The following ANK2 variants were observed in gnomAD, a reference collection of about 807,000 sequenced individuals.
ANK2 encodes ankyrin 2.
Under a neutral mutation model 360.5 loss-of-function variants are expected in ANK2, and 83 were observed. The observed-to-expected ratio is 0.23, with a 90% confidence interval of 0.19 to 0.28. ANK2 has a LOEUF of 0.28. ANK2 is among the 10% of genes least tolerant of loss of function. The pLI is 1.00. For synonymous variants in ANK2, 1,740 were observed against 1,759.5 expected (o/e 0.99, Z 0.28); for missense variants, 4,201 against 4,795.7 (o/e 0.88, Z 3.66).
the ANK2 span, among the ~76,000 whole-genome samples, chr4:112,740,816 C>T: frequency 2.0e-5 from 3 of 152,090 alleles, no homozygotes; most frequent in South Asian, 4.2e-4. Context: ...ACGGTGAAAC[C>T]CCATCTCTAC....
intron 1 of ANK2, among the ~76,000 whole-genome samples, chr4:112,834,888 C>T (rs1489825931): frequency 1.3e-5 from 2 of 152,138 alleles, no homozygotes; most frequent in Non-Finnish European, 2.9e-5. Context: ...GTAGAAGGCC[C>T]CACCTTCTGG....
chr4:113,058,428 C>T (rs2071270433), intron 1 of ANK2, among the ~76,000 whole-genome samples: 1 of 151,888 alleles, frequency 6.6e-6, no homozygotes. Flanking sequence ...ATAAGTATTT[C>T]TATGTGGCCA....
intron 1 of ANK2, among the ~76,000 whole-genome samples, chr4:112,875,475 G>C (rs1338295904): frequency 1.5e-5 from 2 of 131,974 alleles, no homozygotes; most frequent in African/African-American, 2.8e-5. Context: ...ACCATGACAG[G>C]CTAATTACAT....
intron 2 of ANK2, among the ~76,000 whole-genome samples, chr4:113,175,047 G>C (rs1051143456): frequency 6.6e-5 from 10 of 152,036 alleles, no homozygotes; most frequent in African/African-American, 2.4e-4. Context: ...ATACACTTTG[G>C]ATATTATTTG....
chr4:113,238,070 A>T (rs1185273961), intron 7 of ANK2, among the ~76,000 whole-genome samples: 2 of 151,882 alleles, frequency 1.3e-5, no homozygotes, highest in Non-Finnish European at 2.9e-5. Flanking sequence ...TCTTTACCAC[A>T]TTTATATAAT....
chr4:112,814,437 T>C (rs67892808), upstream of ANK2, among the ~76,000 whole-genome samples: 19 of 39,436 alleles, frequency 4.8e-4, no homozygotes, highest in African/African-American at 1.3e-3. Context: ...TTTTTTGTTT[T>C]TTTGTTTGTT....
At chr4:113,343,522 C>A (rs2094506332) in intron 34 of ANK2, among the ~76,000 whole-genome samples, 1 of 152,132 alleles carries the variant, frequency 6.6e-6, no homozygotes. Flanking sequence ...TAAGTGGCAA[C>A]TTTTTGTAAT....
chr4:113,300,134 C>G (rs2074190510), intron 22 of ANK2, among the ~76,000 whole-genome samples: 1 of 151,824 alleles, frequency 6.6e-6, no homozygotes, highest in Non-Finnish European at 1.5e-5. Context: ...ATTTATCAAC[C>G]ACTACTATTC....
the ANK2 span, among the ~76,000 whole-genome samples, chr4:112,721,541 CAAAAAAAAAAAAAA>C: frequency 6.4e-5 from 3 of 46,876 alleles, no homozygotes; most frequent in South Asian, 2.4e-3. Context: ...GACCCCATCT[CAAAAAAAAAAAAAA>C]AAAAAAAAAA....
the ANK2 span, among the ~76,000 whole-genome samples, chr4:112,783,582 G>T: frequency 4.0e-5 from 6 of 151,300 alleles, no homozygotes; most frequent in Admixed American, 6.6e-5. Flanking sequence ...TTGGCGATTT[G>T]CTTTTTGTCT....
At chr4:113,266,666 T>C (rs925563693) in intron 14 of ANK2, among the ~76,000 whole-genome samples, 2 of 152,114 alleles carry the variant, frequency 1.3e-5, no homozygotes, top group African/African-American at 4.8e-5. Context: ...TCACCTGAGG[T>C]TGGGAGTTTG....
chr4:113,330,464 T>G lies in ANK2; in HGVS notation c.3119T>G (p.Phe1040Cys). 2 of 1,614,062 alleles carry G rather than the reference T, an allele frequency of 1.2e-6. No homozygotes were observed. Among genetic ancestry groups the G allele is most frequent in the South Asian group, 2.2e-5 (2 of 91,072 alleles). ...GAAGTTGGACCTTCTGGTGCTCAGT[T>G]CCTTGGGTAAGGGTTTCTGATAAAC... ...LIEVGPSGAQ[F>C]LGKLHLPTAP... The change falls in exon 27 of 46, where the codon TTC becomes TGC. Residue 1040 changes from phenylalanine to cysteine, a missense_variant. Physicochemically the swap from Phe to Cys is radical, Grantham distance 205. Coordinates refer to ENST00000357077, the MANE Select transcript of ANK2 (RefSeq NM_001148.6).
intron 2 of ANK2, among the ~76,000 whole-genome samples, chr4:113,184,783 C>T (rs1476324657): frequency 3.3e-5 from 5 of 151,956 alleles, no homozygotes; most frequent in African/African-American, 1.2e-4. Context: ...TAGGTATACA[C>T]TTGCCATGGT....
At position 113,227,671 on chromosome 4, in the gene ANK2, C is replaced by T. The variant is rs573900273; in HGVS notation, c.385-4490C>T. 1.0e-3 allele frequency among the ~76,000 whole-genome samples: 152 copies of T among 152,222 alleles called. 4 individuals carry two copies. The South Asian group carries it at 0.03, about 30-fold the overall frequency. ...TCATCCACAGGATGGAGTCCTAATA[C>T]CATTACAGGGAAGAGACTATTCAGT... On this transcript the variant is annotated intron_variant, in intron 4 of 45. Coordinates refer to ENST00000357077, the MANE Select transcript of ANK2 (RefSeq NM_001148.6).
chr4:113,097,850 G>GCA (rs748241403), intron 1 of ANK2, among the ~76,000 whole-genome samples: 39,738 of 137,472 alleles, frequency 0.29, 6,846 homozygotes, highest in African/African-American at 0.47. Flanking sequence ...ATGTGTGTGT[G>GCA]TGTGTGTGTG....
rs1420680574 is a variant in ANK2, at chr4:113,008,937, C to T, written c.21+104423C>T. 7.2e-5 allele frequency among the ~76,000 whole-genome samples: 11 copies of T among 152,146 alleles called. 1 individual carries two copies. Among genetic ancestry groups the T allele is most frequent in the Admixed American group, 7.2e-4 (11 of 15,254 alleles). On this transcript the variant is annotated intron_variant, in intron 2 of 30. Coordinates refer to the ANK2 transcript ENST00000503271. ...AAAGCAGGGAGATAAAGCAAAAAAT[C>T]TTGCAGCTGCTGATCAGCTGCTTCA...
At chr4:113,014,556 A>G (rs1506064) in intron 2 of ANK2, among the ~76,000 whole-genome samples, 85,342 of 151,988 alleles carry the variant, frequency 0.56, 25,840 homozygotes, top group Non-Finnish European at 0.69. Flanking sequence ...GCTTTATTCT[A>G]AAGGATACTG....
chr4:112,899,854 C>A (rs1203548363), intron 1 of ANK2, among the ~76,000 whole-genome samples: 7 of 152,132 alleles, frequency 4.6e-5, no homozygotes, highest in Admixed American at 4.6e-4. Context: ...AACAGTGTCT[C>A]ATTCACCTTT....
Position 113,356,083 on chromosome 4 carries a change from C to T in ANK2, c.7465C>T (p.Leu2489Phe). 9 of 1,614,142 alleles carry T rather than the reference C, an allele frequency of 5.6e-6. No homozygotes were observed. Among genetic ancestry groups the T allele is most frequent in the Non-Finnish European group, 7.6e-6 (9 of 1,180,004 alleles). Residue 2489 changes from leucine to phenylalanine, a missense_variant, in exon 38 of 46, where the codon CTT becomes TTT. Coordinates refer to ENST00000357077, the MANE Select transcript of ANK2 (RefSeq NM_001148.6). The part of the protein sequence containing the change: ...KAGIFPSHFP[L>F]PAAVAKTELL... Reference sequence around the variant, plus strand: ...TGGAATTTTTCCAAGTCACTTTCCTCTTCCTGCAGCTGTTGCCAAAACAGA... The same window carrying T: ...TGGAATTTTTCCAAGTCACTTTCCTTTTCCTGCAGCTGTTGCCAAAACAGA...
Sources: gnomAD v4.1 joint callset for allele counts (sites outside exome capture counted in the v4.1 genomes callset) on GRCh38, gnomAD v4.1.1 for gene constraint, MANE v1.5 for transcripts, NCBI Gene and HGNC (gene_info 2026-07-23, HGNC 2026-07-21) for gene names.